Variants in TRAK1 observed in about 807,000 individuals in gnomAD.
TRAK1 encodes trafficking kinesin protein 1.
In TRAK1, 33 loss-of-function variants were observed where a neutral mutation model predicts 92.1. The ratio of observed to expected loss-of-function variants is 0.36; its 90% CI spans 0.27 to 0.48. The LOEUF is 0.48. Ranked by LOEUF, TRAK1 falls within the 20% of genes least tolerant of loss-of-function variation. The pLI is 0.99. For missense variants in TRAK1, 1,123 were observed against 1,257.9 expected, an observed-to-expected ratio of 0.89 and a Z score of 1.62; for synonymous variants, 521 against 517.3, an observed-to-expected ratio of 1.01 and a Z score of -0.10.
chr3:42,013,504 C>T (rs1187709444), upstream of TRAK1, among the ~76,000 whole-genome samples: 3 of 150,224 alleles, frequency 2.0e-5, no homozygotes, highest in Non-Finnish European at 3.0e-5. This position sits in a 1 kb window ranked among gnomAD's most constrained non-coding sequence, Gnocchi z 5.1. Context: ...CGGCTCCAGG[C>T]GACTAGGACG....
intron 1 of TRAK1, among the ~76,000 whole-genome samples, chr3:42,055,185 G>A (rs1024896622): frequency 2.6e-5 from 4 of 152,024 alleles, no homozygotes; most frequent in African/African-American, 9.7e-5. Flanking sequence ...CTCCCAAAGT[G>A]CTGGGATTAC....
At chr3:42,016,351 C>T (rs745594263) in intron 1 of TRAK1, among the ~76,000 whole-genome samples, 1 of 152,172 alleles carries the variant, frequency 6.6e-6, no homozygotes, top group African/African-American at 2.4e-5. Flanking sequence ...ATTGCAGGCA[C>T]CTGCCACCAC....
At chr3:42,107,624 G>A (rs1707772675) in intron 1 of TRAK1, among the ~76,000 whole-genome samples, 2 of 152,060 alleles carry the variant, frequency 1.3e-5, no homozygotes, top group Non-Finnish European at 2.9e-5. Context: ...GTGAGATTAA[G>A]TGCAAAAAGA....
At chr3:42,206,871 C>T (rs1389244651) in intron 13 of TRAK1, among the ~76,000 whole-genome samples, 2 of 152,216 alleles carry the variant, frequency 1.3e-5, no homozygotes, top group Non-Finnish European at 2.9e-5. Context: ...TTCTCTTCAG[C>T]CCATCCTTGG....
At chr3:42,050,844 G>A (rs569177921) in intron 1 of TRAK1, among the ~76,000 whole-genome samples, 11 of 152,148 alleles carry the variant, frequency 7.2e-5, no homozygotes, top group African/African-American at 2.4e-4. Context: ...TTTTAGTAGA[G>A]ACGGGGTTTC....
At chr3:42,108,947 TA>T (rs1256413816) in intron 1 of TRAK1, among the ~76,000 whole-genome samples, 1 of 152,152 alleles carries the variant, frequency 6.6e-6, no homozygotes, top group African/African-American at 2.4e-5. Flanking sequence ...GGAGAAAATT[TA>T]GAGAAAGAAG....
intron 2 of TRAK1, among the ~76,000 whole-genome samples, chr3:42,135,468 C>T (rs1471456138): frequency 6.6e-6 from 1 of 152,196 alleles, no homozygotes. Context: ...TGGCTCACAC[C>T]TGTAATCCCA....
At chr3:42,159,586 A>G (rs145390686) in intron 2 of TRAK1, among the ~76,000 whole-genome samples, 177 of 152,330 alleles carry the variant, frequency 1.2e-3, no homozygotes, top group African/African-American at 4.0e-3. Context: ...AGAGATCTTT[A>G]TAAATTTGGC....
Position 42,223,068 on chromosome 3 carries a change from G to T in TRAK1, c.2193G>T (p.Thr731=). Residue 731 remains threonine (T), a synonymous_variant, in exon 16 of 16, where the codon ACG becomes ACT. Coordinates refer to ENST00000327628, the MANE Select transcript of TRAK1 (RefSeq NM_001042646.3). The surrounding 1 kb of genome is among the most constrained non-coding windows in gnomAD (Gnocchi z 6.1). ...CCTTCACTAACACCCGTGAGTCCAC[G>T]ACCACCATGAGCACATCCCTGGGGC... is the stretch of plus-strand genomic sequence containing the variant. ...AESFTNTRES[T]TTMSTSLGLV... 2 of 1,613,974 alleles carry T rather than the reference G, an allele frequency of 1.2e-6. No homozygotes were observed. Among genetic ancestry groups the T allele is most frequent in the East Asian group, 2.2e-5 (1 of 44,874 alleles).
chr3:42,183,553 T>TAAAAAAAAAAAAAGAAAAAAAA (rs1704333577), intron 3 of TRAK1, among the ~76,000 whole-genome samples: 1 of 117,354 alleles, frequency 8.5e-6, no homozygotes, highest in African/African-American at 3.2e-5. Context: ...AGACTCTGTC[T>TAAAAAAAAAAAAAGAAAAAAAA]AAAAAAAAAA....
chr3:42,189,194 C>T, intron 6 of TRAK1, 70 bp downstream of exon 6: 2 of 1,215,122 alleles, frequency 1.6e-6, no homozygotes, highest in South Asian at 1.3e-5. Flanking sequence ...CTGGCAAGGA[C>T]AACCATGGTT....
At chr3:42,134,054 A>C (rs557165641) in intron 2 of TRAK1, among the ~76,000 whole-genome samples, 1 of 152,128 alleles carries the variant, frequency 6.6e-6, no homozygotes, top group African/African-American at 2.4e-5. Context: ...CCATTTTTCC[A>C]CTGGGAAAAT....
intron 2 of TRAK1, among the ~76,000 whole-genome samples, chr3:42,139,725 G>A (rs1330106690): frequency 1.3e-5 from 2 of 152,050 alleles, no homozygotes; most frequent in Admixed American, 1.3e-4. Context: ...AAGCAATTCT[G>A]TACAGATTTT....
At chr3:42,169,229 ATTTTCGTGTGTTTTT>A (rs1702248403) in intron 2 of TRAK1, among the ~76,000 whole-genome samples, 1 of 147,882 alleles carries the variant, frequency 6.8e-6, no homozygotes, top group Admixed American at 6.7e-5. Flanking sequence ...AATATGTGGT[ATTTTCGTGTGTTTTT>A]TTTTCTGAGC....
chr3:42,079,474 C>CTTTTTTTT (rs374173062), intron 1 of TRAK1, among the ~76,000 whole-genome samples: 229 of 133,912 alleles, frequency 1.7e-3, no homozygotes, highest in Non-Finnish European at 2.2e-3. Flanking sequence ...GAAGCTCCTT[C>CTTTTTTTT]TTCTTTTTTT....
At chr3:42,206,019 C>T (rs1346918871) in intron 13 of TRAK1, among the ~76,000 whole-genome samples, 1 of 152,080 alleles carries the variant, frequency 6.6e-6, no homozygotes, top group Non-Finnish European at 1.5e-5. Context: ...GGAGGTAGCT[C>T]ATATTACAGT....
At position 42,222,989 on chromosome 3, in the gene TRAK1, A is replaced by C. The variant is rs774860187; in HGVS notation, c.2114A>C (p.Lys705Thr). The change falls in exon 16 of 16, where the codon AAA (lysine) becomes ACA (threonine). Residue 705 changes from lysine (K) to threonine (T), a missense_variant. Lys to Thr is a moderately conservative substitution (Grantham distance 78). This residue lies in a region of TRAK1 where 401 missense variants were observed against 438.9 expected (regional missense o/e 0.91). Coordinates refer to ENST00000327628, the MANE Select transcript of TRAK1 (RefSeq NM_001042646.3). ...GCTTGTGGCAGCACCAGCCACTTGA[A>C]ATCCACGCCGGTGGCCACACCATGC... ...TPACGSTSHL[K>T]STPVATPCTP... is the part of the protein sequence containing the mutation. 7 of 1,613,896 alleles carry C rather than the reference A, an allele frequency of 4.3e-6. No individual in the cohort carries two copies. Among genetic ancestry groups the C allele is most frequent in the Non-Finnish European group, 5.9e-6 (7 of 1,179,992 alleles).
chr3:42,088,707 C>T (rs1056695549), upstream of TRAK1, among the ~76,000 whole-genome samples: 5 of 152,218 alleles, frequency 3.3e-5, no homozygotes, highest in African/African-American at 1.2e-4. Context: ...CTTCACCTTA[C>T]TTCACTTTTC....
chr3:42,096,562 A>G (rs1202667246), intron 1 of TRAK1, among the ~76,000 whole-genome samples: 1 of 152,230 alleles, frequency 6.6e-6, no homozygotes, highest in Non-Finnish European at 1.5e-5. Context: ...CCAAACACAT[A>G]ATTTTAAAAG....
Sources: gnomAD v4.1 joint callset for allele counts (sites outside exome capture counted in the v4.1 genomes callset) on GRCh38, gnomAD v4.1.1 for gene constraint, gnomAD v4.1.1 regional missense constraint, Gnocchi (gnomAD v3.1) non-coding constraint, MANE v1.5 for transcripts, NCBI Gene and HGNC (gene_info 2026-07-23, HGNC 2026-07-21) for gene names.